XPR1: variants seen among roughly 807,000 people sequenced by gnomAD.
XPR1 encodes the protein xenotropic and polytropic retrovirus receptor 1.
Under a neutral mutation model 87.5 loss-of-function variants are expected in XPR1, and 28 were observed. The ratio of observed to expected loss-of-function variants is 0.32; its 90% CI spans 0.24 to 0.44. The LOEUF (loss-of-function observed/expected upper bound fraction) is 0.44. Among genes scored for constraint, XPR1 ranks in the 20% least tolerant of loss-of-function variants. XPR1 has a pLI of 1.00. For synonymous variants in XPR1, 300 were observed against 306.1 expected (o/e 0.98, Z 0.21); for missense variants, 559 against 862.3 (o/e 0.65, Z 4.41).
rs1393530457 is a variant in XPR1 at position 180,714,349 on chromosome 1, T to TTTCTCTCTC, written c.121+31939_121+31940insTCTCTCTCT. 3.2e-4 allele frequency among the ~76,000 whole-genome samples: 23 copies of TTTCTCTCTC among 72,150 alleles called. 1 individual carries two copies. The highest frequency in any genetic ancestry group is 1.3e-3 in the African/African-American group (23 of 18,248). The allele number at this position is 72,150 out of a possible 152,430, so 47.3% of individuals were successfully genotyped here. A position where few individuals can be genotyped will look rare whatever the true frequency, so the allele number is the denominator to read the frequency against. On this transcript the variant is annotated intron_variant, in intron 2 of 14. Coordinates refer to ENST00000367590, the MANE Select transcript of XPR1 (RefSeq NM_004736.4). The stretch of plus-strand genomic sequence containing the variant: ...ATTTTTCTCTCATATTTTTTCCCTG[T>TTTCTCTCTC]TCTCTCTCTCTCTCTCTCTCTCTCT...
chr1:180,703,059 G>T (rs1044740184), intron 2 of XPR1, among the ~76,000 whole-genome samples: 2 of 152,190 alleles, frequency 1.3e-5, no homozygotes, highest in African/African-American at 4.8e-5. Context: ...ATTAGTGTCA[G>T]TGGTATCTAT....
At chr1:180,846,059 A>G (rs1651669192) in intron 11 of XPR1, among the ~76,000 whole-genome samples, 1 of 152,176 alleles carries the variant, frequency 6.6e-6, no homozygotes, top group Non-Finnish European at 1.5e-5. Context: ...TGGGAGTTCA[A>G]GACCAGCCTA....
rs189817879 is a variant in XPR1 at position 180,712,535 on chromosome 1, C to T, written c.121+30124C>T. On this transcript the variant is annotated intron_variant, in intron 2 of 14. Transcript: ENST00000367590. Reference sequence around the variant, plus strand: ...ATTTGTCAAAACGTCATGCTGGGCACGGTGGCTCATGCCTGTAATCCCAGC... The same window carrying T: ...ATTTGTCAAAACGTCATGCTGGGCATGGTGGCTCATGCCTGTAATCCCAGC... 1.3e-4 allele frequency among the ~76,000 whole-genome samples: 20 copies of T among 152,284 alleles called. No homozygotes were observed. In the East Asian group the frequency reaches 3.3e-3, roughly 25 times the overall value.
chr1:180,737,107 A>T (rs75102641), intron 2 of XPR1, among the ~76,000 whole-genome samples: 1 of 152,182 alleles, frequency 6.6e-6, no homozygotes, highest in East Asian at 1.9e-4. Flanking sequence ...TTTGAGAGTT[A>T]TGTATGTTAT....
intron 2 of XPR1, among the ~76,000 whole-genome samples, chr1:180,751,961 C>T (rs1303493432): frequency 2.0e-5 from 3 of 152,012 alleles, no homozygotes; most frequent in Admixed American, 6.6e-5. Context: ...ATAAACGTGT[C>T]GCCCATAAGT....
chr1:180,662,161 G>A (rs1655801768), intron 1 of XPR1, among the ~76,000 whole-genome samples: 1 of 152,058 alleles, frequency 6.6e-6, no homozygotes, highest in African/African-American at 2.4e-5. Flanking sequence ...ACTATTACCA[G>A]TAAGTTTTGT....
chr1:180,726,094 A>G (rs1480902490), intron 2 of XPR1, among the ~76,000 whole-genome samples: 2 of 152,222 alleles, frequency 1.3e-5, no homozygotes, highest in African/African-American at 2.4e-5. Context: ...AAACACGCCA[A>G]TCAGCGCTCT....
intron 2 of XPR1, among the ~76,000 whole-genome samples, chr1:180,744,240 T>C (rs932801553): frequency 1.3e-5 from 2 of 152,208 alleles, no homozygotes; most frequent in African/African-American, 4.8e-5. Context: ...TGCTCTGTCA[T>C]CTCTATTCTG....
At chr1:180,798,168 A>G (rs918024253) in intron 3 of XPR1, among the ~76,000 whole-genome samples, 9 of 152,098 alleles carry the variant, frequency 5.9e-5, no homozygotes, top group African/African-American at 1.9e-4. Context: ...ATAAAAATAT[A>G]TATCTAATAT....
chr1:180,877,122 T>C (rs571272742), intron 13 of XPR1, among the ~76,000 whole-genome samples: 33 of 152,296 alleles, frequency 2.2e-4, no homozygotes, highest in Admixed American at 9.2e-4. Context: ...ATATATCAGA[T>C]ATATACCTAG....
chr1:180,860,765 C>T (rs574193912), intron 11 of XPR1, among the ~76,000 whole-genome samples: 10 of 148,240 alleles, frequency 6.7e-5, no homozygotes, highest in African/African-American at 2.2e-4. Context: ...GTGATGGGTA[C>T]ATGACTCTGC....
intron 11 of XPR1, among the ~76,000 whole-genome samples, chr1:180,856,248 A>C (rs1282592704): frequency 6.6e-6 from 1 of 152,190 alleles, no homozygotes; most frequent in East Asian, 1.9e-4. Flanking sequence ...TTTTTAAGAG[A>C]TAAAGAGAAG....
intron 1 of XPR1, among the ~76,000 whole-genome samples, chr1:180,643,678 G>T (rs749722307): frequency 1.2e-4 from 19 of 152,138 alleles, no homozygotes; most frequent in Non-Finnish European, 2.5e-4. Context: ...CTAGTTAATG[G>T]TGGAGTTAAG....
At chr1:180,826,983 A>T (rs1377602706) in intron 9 of XPR1, among the ~76,000 whole-genome samples, 1 of 151,644 alleles carries the variant, frequency 6.6e-6, no homozygotes, top group African/African-American at 2.4e-5. Context: ...GCAAAACCCC[A>T]TCTCTACCAA....
chr1:180,739,374 T>C (rs1265267615), intron 2 of XPR1, among the ~76,000 whole-genome samples: 1 of 152,254 alleles, frequency 6.6e-6, no homozygotes, highest in African/African-American at 2.4e-5. Context: ...TTCTATTGGC[T>C]TTTGCCTTTT....
At chr1:180,837,615 TTATAA>T (rs2102171724) in intron 11 of XPR1, among the ~76,000 whole-genome samples, 1 of 152,300 alleles carries the variant, frequency 6.6e-6, no homozygotes, top group South Asian at 2.1e-4. Context: ...CAGATGATAT[TTATAA>T]TATAATTCCA....
intron 4 of XPR1, among the ~76,000 whole-genome samples, chr1:180,805,594 G>A (rs1649962545): frequency 6.6e-6 from 1 of 151,994 alleles, no homozygotes; most frequent in Non-Finnish European, 1.5e-5. Context: ...ATGCATGATT[G>A]CATGGCAGGG....
intron 2 of XPR1, among the ~76,000 whole-genome samples, chr1:180,781,640 C>A (rs1272620533): frequency 6.7e-6 from 1 of 150,232 alleles, no homozygotes; most frequent in Non-Finnish European, 1.5e-5. Context: ...CCCTTCACTC[C>A]AATTTTCTCA....
At chr1:180,806,862 G>A (rs1450593555) in intron 6 of XPR1, among the ~76,000 whole-genome samples, 1 of 151,876 alleles carries the variant, frequency 6.6e-6, no homozygotes, top group Admixed American at 6.6e-5. Context: ...CAGATATACT[G>A]GATTGCTATA....
Sources: allele counts gnomAD v4.1 joint callset (sites outside exome capture counted in the v4.1 genomes callset), GRCh38; gene constraint gnomAD v4.1.1; transcripts MANE v1.5; gene names NCBI Gene and HGNC (gene_info 2026-07-23, HGNC 2026-07-21).